CHCHD6: variants seen among roughly 807,000 people sequenced by gnomAD.
The protein encoded by CHCHD6 is coiled-coil-helix-coiled-coil-helix domain containing 6.
A neutral mutation model predicts 32.3 loss-of-function variants in CHCHD6; 28 were observed. That is an observed-to-expected ratio of 0.87 (90% CI 0.64 to 1.19). CHCHD6 has a LOEUF of 1.19. Ranked by LOEUF, CHCHD6 falls within the 50% of genes most tolerant of loss-of-function variation. CHCHD6 has a pLI of 0.00. For synonymous variants in CHCHD6, 122 were observed against 117.5 expected (o/e 1.04, Z -0.25); for missense variants, 333 against 307.0 (o/e 1.08, Z -0.63).
chr3:126,768,991 C>T (rs1215397168), intron 4 of CHCHD6, among the ~76,000 whole-genome samples: 7 of 152,098 alleles, frequency 4.6e-5, no homozygotes, highest in Non-Finnish European at 1.0e-4. Context: ...GTAGGTCGCA[C>T]GTTTACTCTG....
chr3:126,950,231 T>C (rs2078697838), intron 6 of CHCHD6, among the ~76,000 whole-genome samples: 1 of 151,790 alleles, frequency 6.6e-6, no homozygotes. Context: ...TTTCTGTGCA[T>C]GGAAGAAAAA....
chr3:126,766,956 G>A lies in CHCHD6; in HGVS notation c.411+33734G>A. The A allele has an allele frequency of 6.0e-6, 6 of 995,630 alleles. No homozygotes were observed. In the South Asian group the frequency reaches 8.2e-5, roughly 14 times the overall value. 61.7% of individuals were successfully genotyped at this position (995,630 alleles called of 1,614,324 possible). A position where few individuals can be genotyped will look rare whatever the true frequency, so the allele number is the denominator to read the frequency against. ...CCCAGGAGAAGACTCACTTCTGGGA[G>A]TCCAGGACCAGTGTGTGGTTAGCGC... On this transcript the variant is annotated intron_variant, in intron 4 of 7. Coordinates refer to ENST00000290913, the MANE Select transcript of CHCHD6 (RefSeq NM_032343.3).
At chr3:126,754,512 C>G (rs946044956) in intron 4 of CHCHD6, among the ~76,000 whole-genome samples, 5 of 152,314 alleles carry the variant, frequency 3.3e-5, no homozygotes, top group African/African-American at 1.2e-4. Context: ...TGGCTGAGCT[C>G]TTTCTAAGGT....
At chr3:126,909,551 C>T (rs2078056700) in intron 5 of CHCHD6, among the ~76,000 whole-genome samples, 1 of 152,150 alleles carries the variant, frequency 6.6e-6, no homozygotes, top group African/African-American at 2.4e-5. Context: ...CTTTGGAAAC[C>T]CATGGAGATA....
chr3:126,759,311 G>A (rs900768874), intron 4 of CHCHD6, among the ~76,000 whole-genome samples: 2 of 152,178 alleles, frequency 1.3e-5, no homozygotes, highest in African/African-American at 2.4e-5. Context: ...ACCTGAATAT[G>A]CATCTCATCT....
At chr3:126,798,148 G>C (rs539036910) in intron 4 of CHCHD6, among the ~76,000 whole-genome samples, 1 of 152,290 alleles carries the variant, frequency 6.6e-6, no homozygotes, top group Admixed American at 6.5e-5. Context: ...TTCTGCGGGG[G>C]GATGAGCGCA....
rs190419091 is a variant in CHCHD6 at position 126,779,298 on chromosome 3, G to A, written c.411+46076G>A. ...TCACGCCTGTAATCCGAGCACTTTG[G>A]AACACCAAGGCAGGTGGATCACGAG... On this transcript the variant is annotated intron_variant, in intron 4 of 7. Transcript: ENST00000290913. Among the ~76,000 whole-genome samples the A allele has an allele frequency of 4.3e-3, 661 of 152,108 alleles. 3 individuals are homozygous for A. The highest frequency in any genetic ancestry group is 0.014 in the African/African-American group (601 of 41,510).
chr3:126,829,173 A>G (rs960675977), intron 4 of CHCHD6, among the ~76,000 whole-genome samples: 1 of 152,132 alleles, frequency 6.6e-6, no homozygotes, highest in African/African-American at 2.4e-5. Flanking sequence ...CCCTATATGT[A>G]TGTAGTTCAG....
intron 4 of CHCHD6, among the ~76,000 whole-genome samples, chr3:126,792,883 A>G (rs1451292102): frequency 2.0e-5 from 3 of 152,122 alleles, no homozygotes; most frequent in Non-Finnish European, 4.4e-5. Flanking sequence ...TTCTCCCTGC[A>G]GTTGTATTAC....
At chr3:126,887,084 T>C (rs1291061607) in intron 5 of CHCHD6, among the ~76,000 whole-genome samples, 1 of 152,214 alleles carries the variant, frequency 6.6e-6, no homozygotes, top group Non-Finnish European at 1.5e-5. Context: ...TTTGTATCTG[T>C]GCTGTGTGTT....
At chr3:126,713,699 T>C (rs989889028) in intron 1 of CHCHD6, among the ~76,000 whole-genome samples, 12 of 152,152 alleles carry the variant, frequency 7.9e-5, no homozygotes, top group Non-Finnish European at 1.5e-5. Flanking sequence ...CTTCTTCGTC[T>C]CTCTGTCCCC....
intron 6 of CHCHD6, among the ~76,000 whole-genome samples, chr3:126,927,078 C>G (rs2078334812): frequency 6.6e-6 from 1 of 152,120 alleles, no homozygotes; most frequent in Non-Finnish European, 1.5e-5. Flanking sequence ...AGGGTGATCT[C>G]TGACATTCAA....
intron 4 of CHCHD6, among the ~76,000 whole-genome samples, chr3:126,810,983 C>G (rs1576445525): frequency 1.3e-5 from 2 of 152,260 alleles, no homozygotes; most frequent in South Asian, 2.1e-4. Context: ...AATAATGCAC[C>G]AGCCCATGGA....
At chr3:126,756,581 G>A (rs1369991437) in intron 4 of CHCHD6, among the ~76,000 whole-genome samples, 1 of 152,170 alleles carries the variant, frequency 6.6e-6, no homozygotes, top group Admixed American at 6.5e-5. Context: ...CACACCATAG[G>A]CTGGTGGTCC....
intron 4 of CHCHD6, among the ~76,000 whole-genome samples, chr3:126,845,723 A>G (rs1205269353): frequency 1.3e-5 from 2 of 152,166 alleles, no homozygotes; most frequent in Admixed American, 6.5e-5. Context: ...TGCTCCGTCC[A>G]ATATGCTAAT....
At chr3:126,937,403 G>T (rs1167088095) in intron 6 of CHCHD6, among the ~76,000 whole-genome samples, 1 of 152,140 alleles carries the variant, frequency 6.6e-6, no homozygotes, top group Non-Finnish European at 1.5e-5. Flanking sequence ...TGAGCGTTGG[G>T]AGCTGAGCCT....
At chr3:126,865,261 C>T (rs566571932) in intron 5 of CHCHD6, among the ~76,000 whole-genome samples, 11 of 151,758 alleles carry the variant, frequency 7.2e-5, no homozygotes, top group South Asian at 2.1e-4. Flanking sequence ...TTGACATCTA[C>T]GTTCAATTTT....
At position 126,947,579 on chromosome 3, in the gene CHCHD6, C is replaced by T. The variant is rs549669599; in HGVS notation, c.567-9837C>T. On this transcript the variant is annotated intron_variant, in intron 6 of 7. Transcript: ENST00000290913. ...CTGCTCTGTGACTGCGGGCCAGTCA[C>T]GTGAGCTGCCTGTGACTTACCAACC... is the stretch of plus-strand genomic sequence containing the variant. Among the ~76,000 whole-genome samples, 154 of 152,328 alleles carry T rather than the reference C, an allele frequency of 1.0e-3. 1 individual carries two copies. The highest frequency in any genetic ancestry group is 3.0e-3 in the African/African-American group (125 of 41,570).
At chr3:126,810,459 A>C (rs1939608113) in intron 4 of CHCHD6, among the ~76,000 whole-genome samples, 1 of 152,242 alleles carries the variant, frequency 6.6e-6, no homozygotes, top group Admixed American at 6.5e-5. Context: ...AGATGAGCCA[A>C]GTACTACAGT....
Sources: gnomAD v4.1 joint callset for allele counts (sites outside exome capture counted in the v4.1 genomes callset) on GRCh38, gnomAD v4.1.1 for gene constraint, MANE v1.5 for transcripts, NCBI Gene and HGNC (gene_info 2026-07-23, HGNC 2026-07-21) for gene names.